The following ZNF469 variants were observed in gnomAD, a reference collection of about 807,000 sequenced individuals.
ZNF469 encodes zinc finger protein 469.
A neutral mutation model predicts 1.0 loss-of-function variants in ZNF469; 1 was observed. The ratio of observed to expected loss-of-function variants is 1.00; its 90% CI spans 0.35 to 4.73. The LOEUF is 4.73. Among genes scored for constraint, ZNF469 ranks in the 30% most tolerant of loss-of-function variants. The pLI, the probability that ZNF469 is intolerant of heterozygous loss-of-function variation, is 0.16. For synonymous variants in ZNF469, 2,703 were observed against 2,363.4 expected, an observed-to-expected ratio of 1.14 and a Z score of -4.17; for missense variants, 6,100 against 5,356.3, an observed-to-expected ratio of 1.14 and a Z score of -4.33.
At chr16:88,106,885 G>A in the ZNF469 span, among the ~76,000 whole-genome samples, 1 of 150,988 alleles carries the variant, frequency 6.6e-6, no homozygotes, top group African/African-American at 2.5e-5. Flanking sequence ...CAGGAGGGGT[G>A]GCAGCAACGC....
the ZNF469 span, among the ~76,000 whole-genome samples, chr16:88,353,486 G>A: frequency 6.6e-6 from 1 of 152,200 alleles, no homozygotes; most frequent in Non-Finnish European, 1.5e-5. Flanking sequence ...AGAGCCACCA[G>A]CGGCTTCCTG....
At position 88,428,531 on chromosome 16, in the gene ZNF469, C is replaced by A. The variant is rs1214223711; in HGVS notation, c.1061C>A (p.Ala354Asp). Residue 354 changes from alanine (A) to aspartate (D), a missense_variant, in exon 3 of 3, where the codon GCC (alanine) becomes GAC (aspartate). By Grantham distance (126) the Ala-to-Asp change is moderately radical (BLOSUM62 -2). Transcript: ENST00000565624. ...AACCGCCACAGCGACCTCAGTGGTG[C>A]CCTCTCTTCCCCTGGAGCTGCTCAC... ...GLNRHSDLSG[A>D]LSSPGAAHSA... is the part of the protein sequence containing the mutation. 1.3e-6 allele frequency: 2 copies of A among 1,549,908 alleles called. No homozygotes were observed. The highest frequency in any genetic ancestry group is 3.9e-5 in the Admixed American group (2 of 50,974).
At chr16:88,270,845 G>T in the ZNF469 span, among the ~76,000 whole-genome samples, 1 of 152,248 alleles carries the variant, frequency 6.6e-6, no homozygotes, top group Non-Finnish European at 1.5e-5. Flanking sequence ...TGAGATCAGT[G>T]CCGTTGGCTT....
chr16:88,438,174 C>T lies in ZNF469; in HGVS notation c.10704C>T (p.Asp3568=). The T allele has an allele frequency of 3.9e-6, 6 of 1,549,754 alleles. No individual in the cohort carries two copies. Among genetic ancestry groups the T allele is most frequent in the Non-Finnish European group, 5.2e-6 (6 of 1,146,592 alleles). The change falls in exon 3 of 3, where the codon GAC becomes GAT. Residue 3568 remains aspartate, a synonymous_variant. Transcript: ENST00000565624. ...CTGCCTTGGCTGATGGCAGAGGAGA[C>T]TGCGCGCTGGACGGAGCCCTGGAGA... The part of the protein sequence containing the change: ...FPAALADGRG[D]CALDGALERP...
the ZNF469 span, among the ~76,000 whole-genome samples, chr16:88,181,096 G>A: frequency 2.9e-4 from 42 of 144,440 alleles, no homozygotes; most frequent in Non-Finnish European, 5.7e-4. Flanking sequence ...TTTTTGAGAC[G>A]CAGTCTCGCT....
At position 88,430,519 on chromosome 16, in the gene ZNF469, G is replaced by A. The variant is rs917538372; in HGVS notation, c.3049G>A (p.Ala1017Thr). 3 of 1,431,812 alleles carry A rather than the reference G, an allele frequency of 2.1e-6. No individual in the cohort carries two copies. The African/African-American group carries it at 4.5e-5, about 22-fold the overall frequency. 88.7% of individuals were successfully genotyped at this position (1,431,812 alleles called of 1,614,324 possible). The change falls in exon 3 of 3, where the codon GCC (alanine) becomes ACC (threonine). Residue 1017 changes from alanine to threonine, a missense_variant. Physicochemically the swap from Ala to Thr is moderately conservative, Grantham distance 58. Coordinates refer to ENST00000565624, the MANE Select transcript of ZNF469 (RefSeq NM_001367624.2). ...DPAPRVPRAA[A>T]LPEETRSSRR... ...CGCGCCCCGGGTCCCGAGAGCCGCC[G>A]CCCTCCCCGAGGAGACCCGCAGCTC...
chr16:88,243,810 G>T, the ZNF469 span, among the ~76,000 whole-genome samples: 23 of 150,418 alleles, frequency 1.5e-4, no homozygotes, highest in Non-Finnish European at 2.7e-4. Flanking sequence ...GTGAATAGAT[G>T]AATAGGTGGA....
the ZNF469 span, among the ~76,000 whole-genome samples, chr16:88,118,849 A>G: frequency 0.011 from 1,698 of 152,322 alleles, 34 homozygotes; most frequent in African/African-American, 0.038. Flanking sequence ...TAAGCAATAG[A>G]GAATGCTGAG....
the ZNF469 span, among the ~76,000 whole-genome samples, chr16:88,256,896 T>TTTCTCTCTCTCTCTC: frequency 1.8e-4 from 5 of 27,138 alleles, no homozygotes; most frequent in African/African-American, 5.3e-4. Flanking sequence ...TTTTCTTTCC[T>TTTCTCTCTCTCTCTC]TCTTTCTTTC....
At chr16:88,216,877 CAGTTTACCA>C in the ZNF469 span, among the ~76,000 whole-genome samples, 3 of 151,452 alleles carry the variant, frequency 2.0e-5, no homozygotes, top group Admixed American at 6.6e-5. Context: ...AACTGTTTTC[CAGTTTACCA>C]AGTCTGTCTT....
chr16:88,257,279 T>C, the ZNF469 span, among the ~76,000 whole-genome samples: 1 of 152,160 alleles, frequency 6.6e-6, no homozygotes, highest in Non-Finnish European at 1.5e-5. Flanking sequence ...CATCTTTTCA[T>C]ATGCTTATTT....
chr16:88,118,881 G>A, the ZNF469 span, among the ~76,000 whole-genome samples: 4 of 152,190 alleles, frequency 2.6e-5, no homozygotes, highest in Admixed American at 6.5e-5. Context: ...AATAGATGCC[G>A]AGCTGCTTTA....
the ZNF469 span, among the ~76,000 whole-genome samples, chr16:88,175,194 G>A: frequency 4.6e-5 from 7 of 152,240 alleles, no homozygotes; most frequent in East Asian, 3.9e-4. Context: ...CAAAATCCCC[G>A]CACAGCAGCA....
chr16:88,301,871 G>C, the ZNF469 span, among the ~76,000 whole-genome samples: 19 of 152,304 alleles, frequency 1.2e-4, no homozygotes, highest in South Asian at 3.9e-3. Flanking sequence ...CAGGCAGGAG[G>C]GGGTAACTAT....
At chr16:88,271,287 G>A in the ZNF469 span, among the ~76,000 whole-genome samples, 1 of 139,148 alleles carries the variant, frequency 7.2e-6, no homozygotes, top group Admixed American at 7.6e-5. Context: ...AAGTACGTGG[G>A]AATGTGGCAA....
chr16:88,335,029 AG>A, the ZNF469 span, among the ~76,000 whole-genome samples: 2 of 152,148 alleles, frequency 1.3e-5, no homozygotes, highest in African/African-American at 4.8e-5. Context: ...GGAGACGGAC[AG>A]GGGAGCCATG....
At chr16:88,238,554 C>T in the ZNF469 span, among the ~76,000 whole-genome samples, 1 of 152,324 alleles carries the variant, frequency 6.6e-6, no homozygotes, top group East Asian at 1.9e-4. Context: ...TGAGGGCTTC[C>T]CTTAGGAGGC....
rs1200844472 is a variant in ZNF469, at chr16:88,439,329, G to A, written c.11859G>A (p.Glu3953=). The A allele has an allele frequency of 6.5e-7, 1 of 1,550,278 alleles. No individual in the cohort carries two copies. Among genetic ancestry groups the A allele is most frequent in the Non-Finnish European group, 8.7e-7 (1 of 1,146,972 alleles). Residue 3953 remains glutamate, a synonymous_variant, in exon 3 of 3, where the codon GAG becomes GAA. Coordinates refer to ENST00000565624, the MANE Select transcript of ZNF469 (RefSeq NM_001367624.2). ...TCCCTTTAAAGAAAGATGCTTCCGA[G>A]TAATTTCTAGGAGCAAGAGCCTGGG... The part of the protein sequence containing the change: ...FKIPLKKDAS[E]
chr16:88,276,306 G>A, the ZNF469 span, among the ~76,000 whole-genome samples: 1 of 152,168 alleles, frequency 6.6e-6, no homozygotes, highest in Admixed American at 6.5e-5. Context: ...GGTGCAGCAA[G>A]CAGGGGGGAT....
Sources: allele counts gnomAD v4.1 joint callset (sites outside exome capture counted in the v4.1 genomes callset), GRCh38; gene constraint gnomAD v4.1.1; transcripts MANE v1.5; gene names NCBI Gene and HGNC (gene_info 2026-07-23, HGNC 2026-07-21).